ARAP2: variants seen among roughly 807,000 people sequenced by gnomAD.
ARAP2 encodes the protein ArfGAP with RhoGAP domain, ankyrin repeat and PH domain 2.
In ARAP2, 148 loss-of-function variants were observed where a neutral mutation model predicts 194.5. That is an observed-to-expected ratio of 0.76 (90% CI 0.67 to 0.87). ARAP2 has a LOEUF of 0.87. Among genes scored for constraint, ARAP2 ranks in the 40% least tolerant of loss-of-function variants. ARAP2 has a pLI of 0.00. For synonymous variants in ARAP2, 695 were observed against 683.5 expected (o/e 1.02, Z -0.26); for missense variants, 2,128 against 1,989.7 (o/e 1.07, Z -1.32).
chr4:36,076,254 C>T (rs1458181142), intron 31 of ARAP2, among the ~76,000 whole-genome samples: 1 of 152,044 alleles, frequency 6.6e-6, no homozygotes, highest in Non-Finnish European at 1.5e-5. Flanking sequence ...AATGAATAAC[C>T]ATGCACTAGA....
rs1718767200 is a variant in ARAP2 at position 36,107,668 on chromosome 4, A to C, written c.4182T>G (p.Asn1394Lys). Residue 1394 changes from asparagine (N) to lysine (K), a missense_variant, in exon 27 of 33, where the codon AAT becomes AAG. By Grantham distance (94) the Asn-to-Lys change is moderately conservative. Transcript: ENST00000303965. ...ELERPLHYKE[N>K]VLEQVLRWSS... ...TCCACCGAAGCACCTGCTCCAGTAC[A>C]TTTTCCTTGTAGTGAAGAGGACGCT... 4 of 1,609,214 alleles carry C rather than the reference A, an allele frequency of 2.5e-6. No homozygotes were observed. Among genetic ancestry groups the C allele is most frequent in the Non-Finnish European group, 2.5e-6 (3 of 1,177,184 alleles).
intron 4 of ARAP2, among the ~76,000 whole-genome samples, chr4:36,212,847 A>C (rs1473598647): frequency 1.3e-5 from 2 of 152,056 alleles, no homozygotes; most frequent in Admixed American, 6.6e-5. Context: ...AGTAATAGAA[A>C]AGAATGAGTG....
Position 36,121,315 on chromosome 4 carries a change from C to T in ARAP2, c.3758G>A (p.Cys1253Tyr), listed in dbSNP as rs1722625075. Residue 1253 changes from cysteine to tyrosine, a missense_variant, in exon 23 of 33, where the codon TGC becomes TAC. Physicochemically the swap from Cys to Tyr is radical, Grantham distance 194. Coordinates refer to ENST00000303965, the MANE Select transcript of ARAP2 (RefSeq NM_015230.4). ...GGCATTCATGTGATTGATTTCTGAG[C>T]ATTTCTGAACCCTGTCAGAGAAAAG... is the stretch of plus-strand genomic sequence containing the variant. ...IIEHLYRVQK[C>Y]SEINHMNAHN... The T allele has an allele frequency of 6.3e-7, 1 of 1,589,846 alleles. No individual in the cohort carries two copies. Among genetic ancestry groups the T allele is most frequent in the South Asian group, 1.2e-5 (1 of 86,946 alleles).
In ARAP2 at chr4:36,244,211, G is replaced by A. The variant is rs1754180686; in HGVS notation, c.-192C>T. On this transcript the variant is annotated 5_prime_UTR_variant, in exon 1 of 33. Transcript: ENST00000303965. The stretch of plus-strand genomic sequence containing the variant: ...TCGGGTCGCGGAGTTCGAAAAGCGA[G>A]GTGAGGCGGCGCTGGGAAGCTCAGC... The A allele has an allele frequency of 6.6e-6, 1 of 152,090 alleles. No homozygotes were observed. The highest frequency in any genetic ancestry group is 2.1e-4 in the South Asian group (1 of 4,830). 9.4% of individuals were successfully genotyped at this position (152,090 alleles called of 1,614,324 possible). A position where few individuals can be genotyped will look rare whatever the true frequency, so the allele number is the denominator to read the frequency against.
chr4:36,028,821 A>T (rs1281796639), intron 5 of ARAP2, among the ~76,000 whole-genome samples: 1 of 151,572 alleles, frequency 6.6e-6, no homozygotes, highest in Non-Finnish European at 1.5e-5. Flanking sequence ...TACTATTTTT[A>T]TTTACAAATT....
intron 19 of ARAP2, among the ~76,000 whole-genome samples, chr4:36,142,380 T>C (rs149447032): frequency 6.6e-6 from 1 of 151,784 alleles, no homozygotes; most frequent in East Asian, 1.9e-4. Flanking sequence ...AAACTGCACA[T>C]ATATGCCCTT....
chr4:36,241,353 T>TA (rs1260562712), intron 1 of ARAP2, among the ~76,000 whole-genome samples: 1 of 152,186 alleles, frequency 6.6e-6, no homozygotes, highest in Non-Finnish European at 1.5e-5. Flanking sequence ...CTTTTTCTTA[T>TA]AAAAAGAGGG....
At chr4:36,051,230 G>A (rs1275521336) in intron 3 of ARAP2, among the ~76,000 whole-genome samples, 2 of 152,270 alleles carry the variant, frequency 1.3e-5, no homozygotes, top group East Asian at 1.9e-4. Context: ...GGCCAGGCCC[G>A]GTGGCTCAAG....
intron 7 of ARAP2, among the ~76,000 whole-genome samples, chr4:36,190,778 G>A (rs186663514): frequency 7.9e-5 from 12 of 152,280 alleles, no homozygotes; most frequent in African/African-American, 1.2e-4. Flanking sequence ...TCAGATGGAA[G>A]AACAAAAACA....
rs1300961439 is a variant in ARAP2 at position 36,148,487 on chromosome 4, A to G, written c.2918T>C (p.Ile973Thr). Residue 973 changes from isoleucine (I) to threonine (T), a missense_variant, in exon 17 of 33, where the codon ATC becomes ACC. Ile to Thr is a moderately conservative substitution (Grantham distance 89). Coordinates refer to ENST00000303965, the MANE Select transcript of ARAP2 (RefSeq NM_015230.4). ...LNTGPIFIFE[I>T]YLPSERVFLF... Reference sequence around the variant, plus strand: ...AAACACACGTTCGGAGGGTAAGTAGATCTCAAAGATAAAGATGGGCCTAAA... The same window carrying G: ...AAACACACGTTCGGAGGGTAAGTAGGTCTCAAAGATAAAGATGGGCCTAAA... 1.2e-6 allele frequency: 2 copies of G among 1,612,852 alleles called. No homozygotes were observed. Among genetic ancestry groups the G allele is most frequent in the African/African-American group, 2.7e-5 (2 of 74,876 alleles).
chr4:36,052,513 A>G (rs1462804983), intron 2 of ARAP2, among the ~76,000 whole-genome samples: 1 of 152,238 alleles, frequency 6.6e-6, no homozygotes, highest in Admixed American at 6.5e-5. Context: ...GAATACTTTT[A>G]TTGACATAAA....
rs917955243 is a variant in ARAP2, at chr4:36,119,841, C to T, written c.3895-123G>A. On this transcript the variant is annotated intron_variant, in intron 23 of 32. Transcript: ENST00000303965. ...CTTAAAAATAAATGAGAATGGCCATCGGAATCAATATGAGCCCACACAGCT... is the reference window on the plus strand; with the variant it reads ...CTTAAAAATAAATGAGAATGGCCATTGGAATCAATATGAGCCCACACAGCT... 2.9e-5 allele frequency: 18 copies of T among 613,564 alleles called. No homozygotes were observed. The South Asian group carries it at 4.7e-4, about 16-fold the overall frequency. The allele number at this position is 613,564 out of a possible 1,614,324, so 38.0% of individuals were successfully genotyped here.
chr4:36,220,229 G>A (rs766920928), intron 2 of ARAP2, among the ~76,000 whole-genome samples: 10 of 131,586 alleles, frequency 7.6e-5, no homozygotes, highest in South Asian at 2.3e-4. Context: ...ATAGGCACAC[G>A]TGTGTGTGTG....
In ARAP2 at chr4:36,210,565, G is replaced by C; in HGVS notation, c.1312C>G (p.Gln438Glu). Residue 438 changes from glutamine to glutamate, a missense_variant, in exon 6 of 33, where the codon CAA (glutamine) becomes GAA (glutamate). By Grantham distance (29) the Gln-to-Glu change is conservative. Transcript: ENST00000303965. ...KNSKASKSRT[Q>E]KALILDSVNR... ...ACGGAGTCCAAAATCAAGGCTTTTT[G>C]AGTCCTAGATTTAGATGCCTTTGAA... 1 of 1,613,836 alleles carries C rather than the reference G, an allele frequency of 6.2e-7. No homozygotes were observed. Among genetic ancestry groups the C allele is most frequent in the Non-Finnish European group, 8.5e-7 (1 of 1,179,838 alleles).
At chr4:36,143,349 T>G (rs575339773) in intron 19 of ARAP2, among the ~76,000 whole-genome samples, 1 of 151,860 alleles carries the variant, frequency 6.6e-6, no homozygotes, top group Admixed American at 6.6e-5. Flanking sequence ...AATGCTTCAA[T>G]TTTGAATTCT....
Position 36,091,866 on chromosome 4 carries a change from G to A in ARAP2, c.4425+15C>T. On this transcript the variant is annotated intron_variant, in intron 28 of 32. Coordinates refer to ENST00000303965, the MANE Select transcript of ARAP2 (RefSeq NM_015230.4). ...CCCACACAAATAAAAATGTACGCATGTTCAAATACTATACCTTCACATCCT... is the reference window on the plus strand; with the variant it reads ...CCCACACAAATAAAAATGTACGCATATTCAAATACTATACCTTCACATCCT... 8 of 1,571,142 alleles carry A rather than the reference G, an allele frequency of 5.1e-6. No homozygotes were observed. Among genetic ancestry groups the A allele is most frequent in the African/African-American group, 1.4e-5 (1 of 73,796 alleles).
chr4:36,147,265 GATAAGGA>G (rs1729853928), intron 19 of ARAP2, 24 bp downstream of exon 19: 2 of 1,591,772 alleles, frequency 1.3e-6, no homozygotes, highest in Non-Finnish European at 1.7e-6. Flanking sequence ...GAGTTGTTGA[GATAAGGA>G]ATAAAAAGCA....
intron 1 of ARAP2, among the ~76,000 whole-genome samples, chr4:36,239,286 T>C (rs1198723301): frequency 6.6e-6 from 1 of 151,582 alleles, no homozygotes; most frequent in Non-Finnish European, 1.5e-5. Flanking sequence ...GAAGAGAAAG[T>C]ATTAACACAA....
chr4:36,190,902 A>G (rs1026266315), intron 7 of ARAP2, among the ~76,000 whole-genome samples: 2 of 152,228 alleles, frequency 1.3e-5, no homozygotes, highest in African/African-American at 4.8e-5. Context: ...AACAAAGGAA[A>G]CCCTATAAAT....
Sources: gnomAD v4.1 joint callset for allele counts (sites outside exome capture counted in the v4.1 genomes callset) on GRCh38, gnomAD v4.1.1 for gene constraint, MANE v1.5 for transcripts, NCBI Gene and HGNC (gene_info 2026-07-23, HGNC 2026-07-21) for gene names.